PCDHAC2: variants seen among roughly 807,000 people sequenced by gnomAD.
PCDHAC2 encodes the protein protocadherin alpha subfamily C, 2, also known as protocadherin alpha-C2.
PCDHAC2 carries 24 observed loss-of-function variants against 63.3 expected under a neutral mutation model. The ratio of observed to expected loss-of-function variants is 0.38; its 90% CI spans 0.27 to 0.53. The LOEUF (loss-of-function observed/expected upper bound fraction) is 0.53. PCDHAC2 is among the 20% of genes least tolerant of loss of function. PCDHAC2 has a pLI of 0.81. For missense variants in PCDHAC2, 1,181 were observed against 1,275.2 expected (o/e 0.93, Z 1.12); for synonymous variants, 569 against 529.4 (o/e 1.07, Z -1.03).
In PCDHAC2 at chr5:140,968,727, G is replaced by A; in HGVS notation, c.1961G>A (p.Ser654Asn). 1 of 1,614,162 alleles carries A rather than the reference G, an allele frequency of 6.2e-7. No individual in the cohort carries two copies. Among genetic ancestry groups the A allele is most frequent in the Admixed American group, 1.7e-5 (1 of 60,026 alleles). The change falls in exon 1 of 4, where the codon AGC (serine) becomes AAC (asparagine). Residue 654 changes from serine to asparagine, a missense_variant. Ser to Asn is a conservative substitution (Grantham distance 46). Coordinates refer to ENST00000289269, the MANE Select transcript of PCDHAC2 (RefSeq NM_018899.6). ...TTRKMGDESG[S>N]TFNLTVVVRD... ...AGGAAGATGGGAGATGAGAGTGGTA[G>A]CACTTTCAACCTGACCGTGGTGGTC...
chr5:141,010,107 C>T lies in PCDHAC2; in HGVS notation c.*170C>T, dbSNP rs1457376249. On this transcript the variant is annotated 3_prime_UTR_variant, in exon 4 of 4. Coordinates refer to ENST00000289269, the MANE Select transcript of PCDHAC2 (RefSeq NM_018899.6). ...CTAGAACGCATTTAACAGGTTTTGT[C>T]GTAAAAGCTTTACTAAGTCTGGTGT... 8.1e-6 allele frequency: 13 copies of T among 1,611,484 alleles called. No individual in the cohort carries two copies. Among genetic ancestry groups the T allele is most frequent in the South Asian group, 4.4e-5 (4 of 90,776 alleles).
At chr5:140,970,810 A>G (rs2096434442) in intron 1 of PCDHAC2, among the ~76,000 whole-genome samples, 1 of 152,138 alleles carries the variant, frequency 6.6e-6, no homozygotes. Flanking sequence ...TTACATTTCA[A>G]GTTCATGGTA....
At chr5:140,993,450 CTTCT>C (rs1279887965) in intron 3 of PCDHAC2, among the ~76,000 whole-genome samples, 2 of 137,074 alleles carry the variant, frequency 1.5e-5, no homozygotes, top group South Asian at 2.5e-4. Flanking sequence ...TCCTGTTCTC[CTTCT>C]TTCTTTCTCA....
chr5:141,006,067 A>G (rs1202024176), intron 3 of PCDHAC2, among the ~76,000 whole-genome samples: 4 of 151,950 alleles, frequency 2.6e-5, no homozygotes, highest in Admixed American at 6.6e-5. Flanking sequence ...AGAAATAAAA[A>G]TCAGATTATT....
At chr5:140,982,900 C>G (rs1443607900) in intron 3 of PCDHAC2, among the ~76,000 whole-genome samples, 1 of 151,932 alleles carries the variant, frequency 6.6e-6, no homozygotes, top group African/African-American at 2.4e-5. Flanking sequence ...ATCTGGTGGC[C>G]TTATGCACAG....
At position 140,967,268 on chromosome 5, in the gene PCDHAC2, C is replaced by T; in HGVS notation, c.502C>T (p.His168Tyr). The T allele has an allele frequency of 6.2e-7, 1 of 1,613,522 alleles. No homozygotes were observed. The highest frequency in any genetic ancestry group is 8.5e-7 in the Non-Finnish European group (1 of 1,179,848). ...ATCGGTGGCGCCTGGAGCGCGCTTT[C>T]ACATAGAGAGTGCGCAGGACCCCGA... ...SESVAPGARFHIESAQDPDVG... is the reference protein window; with the variant it reads ...SESVAPGARFYIESAQDPDVG... The change falls in exon 1 of 4, where the codon CAC (histidine) becomes TAC (tyrosine). Residue 168 changes from histidine to tyrosine, a missense_variant. His to Tyr is a moderately conservative substitution (Grantham distance 83). Coordinates refer to ENST00000289269, the MANE Select transcript of PCDHAC2 (RefSeq NM_018899.6).
chr5:140,971,202 C>T (rs1486022070), intron 1 of PCDHAC2, among the ~76,000 whole-genome samples: 1 of 152,156 alleles, frequency 6.6e-6, no homozygotes, highest in Non-Finnish European at 1.5e-5. Context: ...AGGAAAGACA[C>T]TGTTACCCTC....
At chr5:141,001,388 TAC>T (rs1234412755) in intron 3 of PCDHAC2, among the ~76,000 whole-genome samples, 4 of 152,238 alleles carry the variant, frequency 2.6e-5, no homozygotes, top group Non-Finnish European at 5.9e-5. Flanking sequence ...CCTAAGATCC[TAC>T]AGAGAACAGG....
Position 140,968,888 on chromosome 5 carries a change from CTAA to C in PCDHAC2, c.2128_2130del (p.Ile710del). The C allele has an allele frequency of 6.2e-7, 1 of 1,614,210 alleles. No homozygotes were observed. Among genetic ancestry groups the C allele is most frequent in the Non-Finnish European group, 8.5e-7 (1 of 1,180,036 alleles). On this transcript the variant is annotated inframe_deletion, in exon 1 of 4. Transcript: ENST00000289269. ...GACATACTCTGAAATTACCCTTTAT[CTAA>C]TAATAGCATTAAGCACAGTGTCTTT...
chr5:140,981,888 G>A (rs1554243508), intron 2 of PCDHAC2, among the ~76,000 whole-genome samples: 1 of 152,140 alleles, frequency 6.6e-6, no homozygotes, highest in Non-Finnish European at 1.5e-5. Flanking sequence ...AATCTCTTCT[G>A]AGCGGGGATC....
At chr5:140,977,816 T>C (rs2096776197) in intron 1 of PCDHAC2, among the ~76,000 whole-genome samples, 1 of 152,190 alleles carries the variant, frequency 6.6e-6, no homozygotes, top group Non-Finnish European at 1.5e-5. Flanking sequence ...TTATTGACAG[T>C]TTTGAATGGT....
Position 140,978,960 on chromosome 5 carries a change from C to G in PCDHAC2, c.2577C>G (p.Pro859=), listed in dbSNP as rs560855761. The G allele has an allele frequency of 2.6e-5, 42 of 1,614,120 alleles. No homozygotes were observed. The highest frequency in any genetic ancestry group is 2.5e-4 in the African/African-American group (19 of 75,024). The change falls in exon 2 of 4, where the codon CCC becomes CCG. Residue 859 remains proline, a synonymous_variant. Coordinates refer to ENST00000289269, the MANE Select transcript of PCDHAC2 (RefSeq NM_018899.6). ...TTGTGATTTTGCAGCCACGACAGCC[C>G]AACCCTGACTGGCGTTACTCTGCCT... ...EAVSQNEPRQ[P]NPDWRYSASL...
chr5:140,987,106 C>T (rs113308102), intron 3 of PCDHAC2, among the ~76,000 whole-genome samples: 4,830 of 151,440 alleles, frequency 0.032, 263 homozygotes, highest in African/African-American at 0.11. Context: ...CCCAGCTACT[C>T]GGGAGGCTGA....
rs1554253792 is a variant in PCDHAC2 at position 140,993,501 on chromosome 5, C to CACAT, written c.2713+10941_2713+10942insTACA. ...ACACACACACACACACACACACACA[C>CACAT]ACACACACGGGGAGAGAGAGACAGA... is the stretch of plus-strand genomic sequence containing the variant. On this transcript the variant is annotated intron_variant, in intron 3 of 3. Transcript: ENST00000289269. Among the ~76,000 whole-genome samples, 4 of 149,100 alleles carry CACAT rather than the reference C, an allele frequency of 2.7e-5. No individual in the cohort carries two copies. In the East Asian group the frequency reaches 5.8e-4, roughly 22 times the overall value.
At chr5:140,995,424 A>G (rs868948138) in intron 3 of PCDHAC2, among the ~76,000 whole-genome samples, 10 of 152,186 alleles carry the variant, frequency 6.6e-5, no homozygotes, top group South Asian at 2.1e-4. Flanking sequence ...ATTACTCAGA[A>G]CAGCTTGCAA....
chr5:141,000,485 T>C (rs2097941579), intron 3 of PCDHAC2, among the ~76,000 whole-genome samples: 2 of 135,980 alleles, frequency 1.5e-5, no homozygotes, highest in African/African-American at 5.5e-5. Flanking sequence ...TGGAGTGCAA[T>C]GGTAAGATCT....
At chr5:140,990,821 G>T (rs890499969) in intron 3 of PCDHAC2, among the ~76,000 whole-genome samples, 1 of 152,172 alleles carries the variant, frequency 6.6e-6, no homozygotes, top group East Asian at 1.9e-4. Flanking sequence ...CCTTCTCTCA[G>T]CTAAAGCCTA....
intron 3 of PCDHAC2, among the ~76,000 whole-genome samples, chr5:140,991,302 T>C (rs2097443703): frequency 6.6e-6 from 1 of 152,204 alleles, no homozygotes; most frequent in African/African-American, 2.4e-5. Flanking sequence ...ATTACTATTA[T>C]CTTGTCCCGC....
rs1563381706 is a variant in PCDHAC2 at position 140,968,729 on chromosome 5, A to G, written c.1963A>G (p.Thr655Ala). The G allele has an allele frequency of 6.2e-7, 1 of 1,614,134 alleles. No homozygotes were observed. The highest frequency in any genetic ancestry group is 8.5e-7 in the Non-Finnish European group (1 of 1,180,036). ...GAAGATGGGAGATGAGAGTGGTAGC[A>G]CTTTCAACCTGACCGTGGTGGTCCG... ...TRKMGDESGS[T>A]FNLTVVVRDN... The change falls in exon 1 of 4, where the codon ACT becomes GCT. Residue 655 changes from threonine to alanine, a missense_variant. Transcript: ENST00000289269.
Sources: gnomAD v4.1 joint callset for allele counts (sites outside exome capture counted in the v4.1 genomes callset) on GRCh38, gnomAD v4.1.1 for gene constraint, MANE v1.5 for transcripts, NCBI Gene and HGNC (gene_info 2026-07-23, HGNC 2026-07-21) for gene names.